The following KHDRBS2 variants were observed in gnomAD, a reference collection of about 807,000 sequenced individuals.
KHDRBS2 encodes KH RNA binding domain containing, signal transduction associated 2.
Under a neutral mutation model 44.3 loss-of-function variants are expected in KHDRBS2, and 26 were observed. The observed-to-expected ratio is 0.59, with a 90% CI of 0.43 to 0.81. The LOEUF (loss-of-function observed/expected upper bound fraction) is 0.81, where lower values mean the gene tolerates loss of function less well. KHDRBS2 is among the 40% of genes least tolerant of loss of function. KHDRBS2 has a pLI of 0.00. For synonymous variants in KHDRBS2, 194 were observed against 151.1 expected, an observed-to-expected ratio of 1.28 and a Z score of -2.08; for missense variants, 476 against 433.1, an observed-to-expected ratio of 1.10 and a Z score of -0.88.
the KHDRBS2 span, among the ~76,000 whole-genome samples, chr6:61,655,225 T>TAC: frequency 0.37 from 54,100 of 145,038 alleles, 10,143 homozygotes; most frequent in Non-Finnish European, 0.44. Flanking sequence ...CATACATACA[T>TAC]ACACACACAC....
intron 2 of KHDRBS2, among the ~76,000 whole-genome samples, chr6:62,133,886 G>A (rs114824753): frequency 0.017 from 2,644 of 152,222 alleles, 57 homozygotes; most frequent in African/African-American, 0.056. Flanking sequence ...TAGGGTATCC[G>A]GTGGAAGAAA....
At chr6:62,048,117 AACATAC>A in intron 2 of KHDRBS2, 123 bp from the exon 3 acceptor site, 1 of 523,696 alleles carries the variant, frequency 1.9e-6, no homozygotes, top group Admixed American at 3.0e-5. Context: ...TCATGCCATA[AACATAC>A]ACACACACAC....
intron 1 of KHDRBS2, among the ~76,000 whole-genome samples, chr6:62,208,001 C>T (rs1490677696): frequency 6.6e-6 from 1 of 152,130 alleles, no homozygotes; most frequent in Non-Finnish European, 1.5e-5. Context: ...TCATCCTACA[C>T]ATCTGCTATT....
chr6:61,673,319 A>G, the KHDRBS2 span, among the ~76,000 whole-genome samples: 3 of 151,954 alleles, frequency 2.0e-5, no homozygotes, highest in Non-Finnish European at 4.4e-5. Flanking sequence ...TCAATATCAT[A>G]CTGAATGGAC....
chr6:61,710,082 A>G (rs531620264), intron 7 of KHDRBS2, among the ~76,000 whole-genome samples: 145 of 151,824 alleles, frequency 9.6e-4, no homozygotes, highest in Non-Finnish European at 1.6e-3. Flanking sequence ...TTATTAAGAA[A>G]AAGGTTATTT....
At chr6:62,134,762 A>G (rs1811127060) in intron 2 of KHDRBS2, among the ~76,000 whole-genome samples, 1 of 152,088 alleles carries the variant, frequency 6.6e-6, no homozygotes, top group African/African-American at 2.4e-5. Context: ...GTCAAAGGAG[A>G]TAATTGCTTT....
chr6:62,085,820 A>T (rs1798273533), intron 2 of KHDRBS2, among the ~76,000 whole-genome samples: 1 of 152,178 alleles, frequency 6.6e-6, no homozygotes, highest in African/African-American at 2.4e-5. Context: ...AATTCATGAA[A>T]AAGGGGCACT....
intron 6 of KHDRBS2, among the ~76,000 whole-genome samples, chr6:61,843,221 C>T (rs1473220625): frequency 5.9e-5 from 9 of 151,560 alleles, no homozygotes; most frequent in African/African-American, 1.2e-4. Context: ...GGTATCTTTT[C>T]GAAGTGATAA....
chr6:61,562,578 G>C, the KHDRBS2 span, among the ~76,000 whole-genome samples: 1 of 152,076 alleles, frequency 6.6e-6, no homozygotes, highest in Non-Finnish European at 1.5e-5. Flanking sequence ...TAGGAAACCA[G>C]ATAGGCCTTT....
At chr6:62,188,823 G>C (rs529049994) in intron 1 of KHDRBS2, among the ~76,000 whole-genome samples, 113 of 152,218 alleles carry the variant, frequency 7.4e-4, no homozygotes, top group Non-Finnish European at 1.4e-3. Flanking sequence ...CTTAGAAAAC[G>C]TGTCAGTAGG....
At chr6:61,658,056 G>A in the KHDRBS2 span, among the ~76,000 whole-genome samples, 1 of 151,834 alleles carries the variant, frequency 6.6e-6, no homozygotes, top group Non-Finnish European at 1.5e-5. Flanking sequence ...TATATATTAT[G>A]CATAGGCTAG....
intron 2 of KHDRBS2, among the ~76,000 whole-genome samples, chr6:62,091,666 C>T (rs956379164): frequency 2.0e-5 from 3 of 152,050 alleles, no homozygotes; most frequent in African/African-American, 4.8e-5. Context: ...CAAATTTTCA[C>T]TTTGAAAAAG....
At chr6:61,827,562 G>C (rs537306456) in intron 6 of KHDRBS2, among the ~76,000 whole-genome samples, 1 of 152,196 alleles carries the variant, frequency 6.6e-6, no homozygotes, top group South Asian at 2.1e-4. Flanking sequence ...AAGTAACTTG[G>C]ACAGCTCTCT....
At chr6:61,856,096 GTA>G (rs1479671419) in intron 6 of KHDRBS2, among the ~76,000 whole-genome samples, 1 of 151,944 alleles carries the variant, frequency 6.6e-6, no homozygotes, top group African/African-American at 2.4e-5. Context: ...TTGTTGTTAT[GTA>G]TAGTTTTCAT....
chr6:62,141,160 A>G (rs1812717725), intron 2 of KHDRBS2, among the ~76,000 whole-genome samples: 1 of 152,170 alleles, frequency 6.6e-6, no homozygotes, highest in African/African-American at 2.4e-5. Context: ...AATAAACTTG[A>G]TGACTAATGG....
At chr6:61,874,752 A>C (rs1162263046) in intron 6 of KHDRBS2, among the ~76,000 whole-genome samples, 1 of 152,116 alleles carries the variant, frequency 6.6e-6, no homozygotes, top group East Asian at 1.9e-4. Flanking sequence ...CACGTGGCAC[A>C]ATCCCCTCCT....
chr6:62,071,827 CT>C (rs899644207), intron 2 of KHDRBS2, among the ~76,000 whole-genome samples: 1 of 152,078 alleles, frequency 6.6e-6, no homozygotes, highest in Non-Finnish European at 1.5e-5. Context: ...AATGCGGGCT[CT>C]TTTTTTGTTC....
chr6:61,627,393 GT>G, the KHDRBS2 span, among the ~76,000 whole-genome samples: 119 of 152,026 alleles, frequency 7.8e-4, 1 homozygote, highest in African/African-American at 2.7e-3. Context: ...AAACACCTGA[GT>G]TTATGCTAAT....
chr6:61,825,662 A>T (rs1790732525), intron 6 of KHDRBS2, among the ~76,000 whole-genome samples: 1 of 152,156 alleles, frequency 6.6e-6, no homozygotes, highest in South Asian at 2.1e-4. Flanking sequence ...GTCATGCAAC[A>T]AGTCCCCCAT....
Sources: gnomAD v4.1 joint callset for allele counts (sites outside exome capture counted in the v4.1 genomes callset) on GRCh38, gnomAD v4.1.1 for gene constraint, MANE v1.5 for transcripts, NCBI Gene and HGNC (gene_info 2026-07-23, HGNC 2026-07-21) for gene names.